The following GPR179 variants were observed in gnomAD, a reference collection of about 807,000 sequenced individuals.
The protein encoded by GPR179 is G protein-coupled receptor 179.
Under a neutral mutation model 70.8 loss-of-function variants are expected in GPR179, and 52 were observed. The observed-to-expected ratio is 0.73, with a 90% CI of 0.59 to 0.93. The LOEUF is 0.93. Among genes scored for constraint, GPR179 ranks in the 40% least tolerant of loss-of-function variants. GPR179 has a pLI of 0.00. For synonymous variants in GPR179, 1,123 were observed against 1,169.0 expected (o/e 0.96, Z 0.80); for missense variants, 2,734 against 2,966.8 (o/e 0.92, Z 1.82).
chr17:38,336,064 C>T lies in GPR179; in HGVS notation c.1296+12G>A, dbSNP rs142302176. 28 of 1,603,614 alleles carry T rather than the reference C, an allele frequency of 1.7e-5. No homozygotes were observed. The African/African-American group carries it at 3.1e-4, about 18-fold the overall frequency. ...GCTGGAAGGTGGGGCCAGCCTGTGG[C>T]CACAGACTCACAGGAAAGTAAAGCA... is the stretch of plus-strand genomic sequence containing the variant. On this transcript the variant is annotated intron_variant, in intron 5 of 10. Transcript: ENST00000616987.
Position 38,329,849 on chromosome 17 carries a change from C to T in GPR179, c.3720G>A (p.Val1240=). 6.2e-7 allele frequency: 1 copy of T among 1,613,934 alleles called. No homozygotes were observed. The highest frequency in any genetic ancestry group is 1.1e-5 in the South Asian group (1 of 91,076). ...LQSLGSADHR[V]AEVCPWEVTE... Reference sequence around the variant, plus strand: ...TGACCTCCCAGGGGCATACCTCTGCCACCCTGTGGTCAGCGCTGCCCAGGG... The same window carrying T: ...TGACCTCCCAGGGGCATACCTCTGCTACCCTGTGGTCAGCGCTGCCCAGGG... The change falls in exon 11 of 11, where the codon GTG becomes GTA. Residue 1240 remains valine (V), a synonymous_variant. Transcript: ENST00000616987.
chr17:38,336,232 C>CGTT, intron 4 of GPR179, 88 bp from the exon 5 acceptor site: 7 of 906,704 alleles, frequency 7.7e-6, no homozygotes, highest in South Asian at 1.3e-5. Flanking sequence ...ACTCAGTGAC[C>CGTT]CTGAGCTAAG....
Position 38,329,891 on chromosome 17 carries a change from G to A in GPR179, c.3678C>T (p.Pro1226=), listed in dbSNP as rs745912377. The A allele has an allele frequency of 1.3e-5, 21 of 1,614,018 alleles. No homozygotes were observed. The African/African-American group carries it at 2.5e-4, about 19-fold the overall frequency. The change falls in exon 11 of 11, where the codon CCC becomes CCT. Residue 1226 remains proline, a synonymous_variant. Transcript: ENST00000616987. ...TGCCCAGGGACTGGAGGCCAGCTTT[G>A]GGCAGTTCCTGCCACCCGACAGGGG... ...KETPVGWQEL[P]KAGLQSLGSA... is the part of the protein sequence containing the mutation.
Position 38,328,967 on chromosome 17 carries a change from T to G in GPR179, c.4602A>C (p.Ser1534=). 3.7e-6 allele frequency: 6 copies of G among 1,614,194 alleles called. No homozygotes were observed. The highest frequency in any genetic ancestry group is 1.6e-4 in the Middle Eastern group (1 of 6,062). Residue 1534 remains serine (S), a synonymous_variant, in exon 11 of 11, where the codon TCA becomes TCC. Transcript: ENST00000616987. ...GGACCGTGCTCTCCCTGGGACAAAC[T>G]GACTCCTGCTGTTGACTTAATTTCT... is the stretch of plus-strand genomic sequence containing the variant. ...AVQKLSQQQE[S]VCPRESTVPG...
intron 2 of GPR179, 166 bp downstream of exon 2, chr17:38,339,251 T>G: frequency 1.8e-6 from 1 of 561,940 alleles, no homozygotes; most frequent in Non-Finnish European, 3.2e-6. Flanking sequence ...ACCTGACTTT[T>G]TAAAAGCCTG....
At chr17:38,337,809 C>T (rs977070581) in intron 2 of GPR179, 89 bp from the exon 3 acceptor site, 15 of 1,131,708 alleles carry the variant, frequency 1.3e-5, no homozygotes, top group Non-Finnish European at 1.8e-5. Flanking sequence ...GTCCATCTAC[C>T]TCCCTATCCA....
Position 38,337,707 on chromosome 17 carries a change from T to C in GPR179, c.917A>G (p.Glu306Gly). 1 of 1,613,554 alleles carries C rather than the reference T, an allele frequency of 6.2e-7. No homozygotes were observed. Among genetic ancestry groups the C allele is most frequent in the South Asian group, 1.1e-5 (1 of 91,030 alleles). The change falls in exon 3 of 11, where the codon GAG becomes GGG. Residue 306 changes from glutamate (E) to glycine (G), a missense_variant. Transcript: ENST00000616987. The stretch of plus-strand genomic sequence containing the variant: ...GCGGCCAAGAACAAAGCCCTGACTC[T>C]CCAGGGGGACACACTATGGGGACAA... ...DLNSTQCVPLESQGFVLGRYL... is the reference protein window; with the variant it reads ...DLNSTQCVPLGSQGFVLGRYL...
At position 38,326,366 on chromosome 17, in the gene GPR179, C is replaced by T. The variant is rs2037285329; in HGVS notation, c.*99G>A. 1 of 898,820 alleles carries T rather than the reference C, an allele frequency of 1.1e-6. No homozygotes were observed. The highest frequency in any genetic ancestry group is 1.7e-5 in the South Asian group (1 of 58,870). 55.7% of individuals were successfully genotyped at this position (898,820 alleles called of 1,614,324 possible). A position where few individuals can be genotyped will look rare whatever the true frequency, so the allele number is the denominator to read the frequency against. On this transcript the variant is annotated 3_prime_UTR_variant, in exon 11 of 11. Transcript: ENST00000616987. ...GGTCTTCTCAAGGAGGGGAAGTGGC[C>T]AAGCTGTCTTTGATTCAGCTCTTTG...
rs761847618 is a variant in GPR179 at position 38,334,042 on chromosome 17, G to C, written c.1785-4C>G. The C allele has an allele frequency of 6.2e-7, 1 of 1,602,920 alleles. No individual in the cohort carries two copies. Among genetic ancestry groups the C allele is most frequent in the Non-Finnish European group, 8.5e-7 (1 of 1,169,956 alleles). ...CAGAGAGGGAACCAGCACAAACCTG[G>C]GGCGGGATAGGGGCGCAGGTCATTA... On this transcript the variant is annotated splice_polypyrimidine_tract_variant and splice_region_variant and intron_variant, in intron 8 of 10. Transcript: ENST00000616987. This position sits in a 1 kb window ranked among gnomAD's most constrained non-coding sequence, Gnocchi z 4.7.
rs370762282 is a variant in GPR179 at position 38,324,601 on chromosome 17, G to GC, written c.*1863dup. Among the ~76,000 whole-genome samples, 1,219 of 123,406 alleles carry GC rather than the reference G, an allele frequency of 9.9e-3. 9 individuals carry two copies. Among genetic ancestry groups the GC allele is most frequent in the African/African-American group, 0.034 (1,096 of 32,586 alleles). 81.0% of individuals were successfully genotyped at this position (123,406 alleles called of 152,430 possible). ...AAAAAGCATTCTTTATTTCCGCCCC[G>GC]CCCCCCCCACCCCATGGTTTATTTC... is the stretch of plus-strand genomic sequence containing the variant. On this transcript the variant is annotated 3_prime_UTR_variant, in exon 11 of 11. Coordinates refer to ENST00000616987, the MANE Select transcript of GPR179 (RefSeq NM_001004334.4).
chr17:38,337,868 C>A (rs72832281), intron 2 of GPR179, 148 bp from the exon 3 acceptor site: 23,917 of 662,170 alleles, frequency 0.036, 636 homozygotes, highest in Middle Eastern at 0.17. Context: ...CCTCTCTAGT[C>A]CTTGGGAAGC....
rs1262812040 is a variant in GPR179, at chr17:38,329,549, AG to A, written c.4019del (p.Pro1340LeufsTer60). 2 of 1,613,978 alleles carry A rather than the reference AG, an allele frequency of 1.2e-6. No individual in the cohort carries two copies. Among genetic ancestry groups the A allele is most frequent in the Admixed American group, 3.3e-5 (2 of 60,016 alleles). ...GLSPGSAPQD[P>X]GRIRDKSEAG... ...CCTCAGATTTGTCTCTGATTCTGCC[AG>A]GGTCCTGAGGAGCTGACCCAGGGGA... On this transcript the variant is annotated frameshift_variant, in exon 11 of 11. Coordinates refer to ENST00000616987, the MANE Select transcript of GPR179 (RefSeq NM_001004334.4). LOFTEE classifies it low-confidence loss of function (END_TRUNC).
Position 38,334,635 on chromosome 17 carries a change from C to T in GPR179, c.1784+69G>A. On this transcript the variant is annotated intron_variant, in intron 8 of 10. Transcript: ENST00000616987. The surrounding 1 kb of genome is among the most constrained non-coding windows in gnomAD (Gnocchi z 4.7). ...GCCAGGATGGCATGGGATGGGGGCA[C>T]CTCACCTGGGAGAGGTGAGGAGTAC... 4 of 1,571,946 alleles carry T rather than the reference C, an allele frequency of 2.5e-6. No homozygotes were observed. Among genetic ancestry groups the T allele is most frequent in the Admixed American group, 1.7e-5 (1 of 59,246 alleles).
Position 38,333,479 on chromosome 17 carries a change from G to T in GPR179, c.1891-82C>A. ...TGCACTCACCTGCCCTGTGGAATGC[G>T]TCCTTACTTTGTGACGCTTCACCCC... is the stretch of plus-strand genomic sequence containing the variant. On this transcript the variant is annotated intron_variant, in intron 9 of 10. Coordinates refer to ENST00000616987, the MANE Select transcript of GPR179 (RefSeq NM_001004334.4). 5 of 1,388,564 alleles carry T rather than the reference G, an allele frequency of 3.6e-6. No individual in the cohort carries two copies. In the South Asian group the frequency reaches 4.1e-5, roughly 11 times the overall value. The allele number at this position is 1,388,564 out of a possible 1,614,324, so 86.0% of individuals were successfully genotyped here.
At position 38,334,850 on chromosome 17, in the gene GPR179, G is replaced by A; in HGVS notation, c.1646-8C>T. 6.2e-7 allele frequency: 1 copy of A among 1,611,028 alleles called. No homozygotes were observed. The highest frequency in any genetic ancestry group is 8.5e-7 in the Non-Finnish European group (1 of 1,179,532). On this transcript the variant is annotated splice_region_variant and splice_polypyrimidine_tract_variant and intron_variant, in intron 7 of 10. Coordinates refer to ENST00000616987, the MANE Select transcript of GPR179 (RefSeq NM_001004334.4). This position sits in a 1 kb window ranked among gnomAD's most constrained non-coding sequence, Gnocchi z 4.7. The stretch of plus-strand genomic sequence containing the variant: ...ACAGCAGCAGCAGCTCAGCTGTGGG[G>A]AGACAGGGAGGGAGAGAGCCGGCAC...
Position 38,337,167 on chromosome 17 carries a change from T to G in GPR179, c.1038A>C (p.Pro346=). ...GCAGCAGTCTCCCAGATCTGCCTTC[T>G]GGGAACCCGAATTGCCCGGTAGTCT... ...DFQTTGQFGF[P]EGRSGRLLQC... is the part of the protein sequence containing the mutation. Residue 346 remains proline, a synonymous_variant, in exon 4 of 11, where the codon CCA becomes CCC. Transcript: ENST00000616987. 1 of 1,613,118 alleles carries G rather than the reference T, an allele frequency of 6.2e-7. No individual in the cohort carries two copies. The highest frequency in any genetic ancestry group is 8.5e-7 in the Non-Finnish European group (1 of 1,179,742).
In GPR179 at chr17:38,327,621, C is replaced by T; in HGVS notation, c.5948G>A (p.Ser1983Asn). The stretch of plus-strand genomic sequence containing the variant: ...CCCAGTGCTGACCAGTCTCTGGGAG[C>T]TAGCTTTAGGTTGGTCAGGGCGCTG... ...DRQRPDQPKA[S>N]SQRLVSTGGR... The change falls in exon 11 of 11, where the codon AGC becomes AAC. Residue 1983 changes from serine (S) to asparagine (N), a missense_variant. Ser to Asn is a conservative substitution (Grantham distance 46). Coordinates refer to ENST00000616987, the MANE Select transcript of GPR179 (RefSeq NM_001004334.4). The T allele has an allele frequency of 6.2e-7, 1 of 1,614,216 alleles. No individual in the cohort carries two copies. Among genetic ancestry groups the T allele is most frequent in the Non-Finnish European group, 8.5e-7 (1 of 1,180,052 alleles).
Position 38,335,625 on chromosome 17 carries a change from T to A in GPR179, c.1372A>T (p.Ile458Phe). 6.2e-7 allele frequency: 1 copy of A among 1,613,932 alleles called. No homozygotes were observed. The highest frequency in any genetic ancestry group is 8.5e-7 in the Non-Finnish European group (1 of 1,179,850). The stretch of plus-strand genomic sequence containing the variant: ...TTGAGTATGATGGTGCCGTAGACGA[T>A]GGCAAAACCCAGCAGCCGCACCCAG... The part of the protein sequence containing the change: ...LRWVRLLGFA[I>F]VYGTIILKLY... Residue 458 changes from isoleucine (I) to phenylalanine (F), a missense_variant, in exon 6 of 11, where the codon ATC becomes TTC. By Grantham distance (21) the Ile-to-Phe change is conservative. Coordinates refer to ENST00000616987, the MANE Select transcript of GPR179 (RefSeq NM_001004334.4).
chr17:38,330,793 T>C lies in GPR179; in HGVS notation c.2776A>G (p.Arg926Gly). 1 of 1,602,062 alleles carries C rather than the reference T, an allele frequency of 6.2e-7. No individual in the cohort carries two copies. Among genetic ancestry groups the C allele is most frequent in the Non-Finnish European group, 8.5e-7 (1 of 1,173,600 alleles). The change falls in exon 11 of 11, where the codon AGA becomes GGA. Residue 926 changes from arginine to glycine, a missense_variant. Coordinates refer to ENST00000616987, the MANE Select transcript of GPR179 (RefSeq NM_001004334.4). Reference protein sequence around the residue: ...TSGRLHEEARRRLPHPPIRHQ... With the variant: ...TSGRLHEEARGRLPHPPIRHQ... ...CTGATGGGTGGATGAGGCAGCCTTCTCCTAGCCTCCTCATGAAGCCTCCCA... is the reference window on the plus strand; with the variant it reads ...CTGATGGGTGGATGAGGCAGCCTTCCCCTAGCCTCCTCATGAAGCCTCCCA...
Sources: allele counts gnomAD v4.1 joint callset (sites outside exome capture counted in the v4.1 genomes callset), GRCh38; gene constraint gnomAD v4.1.1; non-coding constraint Gnocchi (gnomAD v3.1); transcripts MANE v1.5; gene names NCBI Gene and HGNC (gene_info 2026-07-23, HGNC 2026-07-21).